Variants in ZNF516 observed in about 807,000 individuals in gnomAD.
ZNF516 encodes the protein zinc finger protein 516.
Under a neutral mutation model 79.7 loss-of-function variants are expected in ZNF516, and 19 were observed. That is an observed-to-expected ratio of 0.24 (90% confidence interval 0.17 to 0.35). The LOEUF is 0.35. Among genes scored for constraint, ZNF516 ranks in the 10% least tolerant of loss-of-function variants. ZNF516 has a pLI of 1.00. For missense variants in ZNF516, 1,678 were observed against 1,679.5 expected (o/e 1.00, Z 0.02); for synonymous variants, 877 against 739.5 (o/e 1.19, Z -3.02).
rs1568322140 is a variant in ZNF516, at chr18:76,473,375, A to AAAAAAC, written c.-271-10235_-271-10234insGTTTTT. On this transcript the variant is annotated intron_variant, in intron 1 of 6. Coordinates refer to ENST00000443185, the MANE Select transcript of ZNF516 (RefSeq NM_014643.4). Reference sequence around the variant, plus strand: ...CTCTGCAAAAAAAAAAAAAAAAAAAAAAAACACCTATGACTGAGGAACTCG... The same window carrying AAAAAAC: ...CTCTGCAAAAAAAAAAAAAAAAAAAAAAAAACAAAACACCTATGACTGAGGAACTCG... Among the ~76,000 whole-genome samples the AAAAAAC allele has an allele frequency of 1.5e-5, 2 of 132,074 alleles. 1 individual carries two copies. 86.6% of individuals were successfully genotyped at this position (132,074 alleles called of 152,430 possible). A position where few individuals can be genotyped will look rare whatever the true frequency, so the allele number is the denominator to read the frequency against.
chr18:76,462,340 T>C (rs1913170361), intron 2 of ZNF516, among the ~76,000 whole-genome samples: 1 of 152,198 alleles, frequency 6.6e-6, no homozygotes, highest in Non-Finnish European at 1.5e-5. Flanking sequence ...CACAAGACAG[T>C]TCACACCACA....
At chr18:76,384,673 G>A (rs570465654) in intron 3 of ZNF516, among the ~76,000 whole-genome samples, 15 of 150,686 alleles carry the variant, frequency 1.0e-4, no homozygotes, top group African/African-American at 2.9e-4. Flanking sequence ...ATCCTGAAAC[G>A]GAAGAACTCG....
chr18:76,454,832 A>G (rs1314628617), intron 2 of ZNF516, among the ~76,000 whole-genome samples: 2 of 152,238 alleles, frequency 1.3e-5, no homozygotes, highest in African/African-American at 4.8e-5. Flanking sequence ...ATGTTGTTAC[A>G]TTATTCAGCT....
chr18:76,441,299 C>G lies in ZNF516; in HGVS notation c.1756G>C (p.Ala586Pro). ...CCACTGTCTTCGGCAGCCTCGTCGG[C>G]CAGGCCAGAGCCCGGGGAGTCAGCA... is the stretch of plus-strand genomic sequence containing the variant. ...AAADSPGSGL[A>P]DEAAEDSGEE... Residue 586 changes from alanine (A) to proline (P), a missense_variant, in exon 3 of 7, where the codon GCC (alanine) becomes CCC (proline). Transcript: ENST00000443185. 1 of 1,611,332 alleles carries G rather than the reference C, an allele frequency of 6.2e-7. No individual in the cohort carries two copies. The highest frequency in any genetic ancestry group is 8.5e-7 in the Non-Finnish European group (1 of 1,179,474).
rs1448979797 is a variant in ZNF516, at chr18:76,459,101, A to G, written c.-158+3927T>C. 6.6e-6 allele frequency among the ~76,000 whole-genome samples: 1 copy of G among 152,218 alleles called. No homozygotes were observed. Among genetic ancestry groups the G allele is most frequent in the Non-Finnish European group, 1.5e-5 (1 of 68,030 alleles). On this transcript the variant is annotated intron_variant, in intron 2 of 6. Coordinates refer to ENST00000443185, the MANE Select transcript of ZNF516 (RefSeq NM_014643.4). This position sits in a 1 kb window ranked among gnomAD's most constrained non-coding sequence, Gnocchi z 5.0. ...AGGCAAACACGCATGTCCACTTCCA[A>G]CAATCTACCAGCAACACTCGTGCCC...
intron 1 of ZNF516, among the ~76,000 whole-genome samples, chr18:76,473,532 T>C (rs1381676120): frequency 6.6e-6 from 1 of 152,280 alleles, no homozygotes; most frequent in South Asian, 2.1e-4. Flanking sequence ...CTGGGTGCGG[T>C]GGCTCACGCC....
At chr18:76,480,383 T>C (rs1049053675) in intron 1 of ZNF516, among the ~76,000 whole-genome samples, 2 of 152,070 alleles carry the variant, frequency 1.3e-5, no homozygotes, top group Non-Finnish European at 2.9e-5. Context: ...CCTTGAATGC[T>C]GGGTTAGCGA....
At chr18:76,370,939 T>C (rs951837577) in intron 5 of ZNF516, among the ~76,000 whole-genome samples, 4 of 152,192 alleles carry the variant, frequency 2.6e-5, no homozygotes, top group Non-Finnish European at 2.9e-5. Context: ...ACACTCCTGA[T>C]AGAGAACCCC....
chr18:76,429,482 G>GT (rs1200464376), intron 3 of ZNF516, among the ~76,000 whole-genome samples: 2 of 152,156 alleles, frequency 1.3e-5, no homozygotes, highest in Non-Finnish European at 2.9e-5. Context: ...GCCCATTCTA[G>GT]TAAGAAGAGG....
intron 1 of ZNF516, among the ~76,000 whole-genome samples, chr18:76,487,606 T>C (rs2145817111): frequency 6.6e-6 from 1 of 152,320 alleles, no homozygotes; most frequent in Admixed American, 6.5e-5. Flanking sequence ...TGTAAACATT[T>C]GACATGATTC....
chr18:76,492,590 C>T, intron 1 of ZNF516: 1 of 456,412 alleles, frequency 2.2e-6, no homozygotes, highest in Non-Finnish European at 2.9e-6. Context: ...TTCAGCAATC[C>T]GCGTTCTCAG....
At chr18:76,426,060 T>G (rs1411558951) in intron 3 of ZNF516, among the ~76,000 whole-genome samples, 1 of 152,278 alleles carries the variant, frequency 6.6e-6, no homozygotes, top group East Asian at 1.9e-4. Flanking sequence ...AGAGCTATGT[T>G]AGAAAATGCC....
chr18:76,489,963 T>G (rs1425236991), intron 1 of ZNF516, among the ~76,000 whole-genome samples: 3 of 152,228 alleles, frequency 2.0e-5, no homozygotes, highest in African/African-American at 7.2e-5. Flanking sequence ...TTATTACAGA[T>G]CCACCGGGAT....
chr18:76,411,271 G>A (rs536173703), intron 3 of ZNF516, among the ~76,000 whole-genome samples: 8 of 152,216 alleles, frequency 5.3e-5, no homozygotes, highest in Admixed American at 4.6e-4. Flanking sequence ...TGTACCTTTC[G>A]CAATACCCCA....
In ZNF516 at chr18:76,357,911, A is replaced by G. The variant is rs574863343; in HGVS notation, c.*4587T>C. Among the ~76,000 whole-genome samples, 1 of 152,280 alleles carries G rather than the reference A, an allele frequency of 6.6e-6. No homozygotes were observed. Among genetic ancestry groups the G allele is most frequent in the South Asian group, 2.1e-4 (1 of 4,816 alleles). Reference sequence around the variant, plus strand: ...AGTGGGTGTATTCAGTGGGGAAATAACATGTGTGCTGTGAAAGAAAATGAG... The same window carrying G: ...AGTGGGTGTATTCAGTGGGGAAATAGCATGTGTGCTGTGAAAGAAAATGAG... On this transcript the variant is annotated 3_prime_UTR_variant, in exon 7 of 7. Coordinates refer to ENST00000443185, the MANE Select transcript of ZNF516 (RefSeq NM_014643.4).
intron 3 of ZNF516, among the ~76,000 whole-genome samples, chr18:76,410,509 C>T (rs756589857): frequency 6.6e-6 from 1 of 152,138 alleles, no homozygotes; most frequent in Non-Finnish European, 1.5e-5. Context: ...AGTGGTTCCG[C>T]AGTTCCCTAC....
At chr18:76,440,852 G>A (rs763519217) in intron 3 of ZNF516, among the ~76,000 whole-genome samples, 21 of 152,202 alleles carry the variant, frequency 1.4e-4, no homozygotes, top group African/African-American at 5.1e-4. Flanking sequence ...CCATGATGGT[G>A]TTCTTTGCTC....
At position 76,459,040 on chromosome 18, in the gene ZNF516, C is replaced by A. The variant is rs1912929073; in HGVS notation, c.-158+3988G>T. On this transcript the variant is annotated intron_variant, in intron 2 of 6. Transcript: ENST00000443185. This position sits in a 1 kb window ranked among gnomAD's most constrained non-coding sequence, Gnocchi z 5.0. ...AGAGCACATGTGTGTGATCTCTTAACCTACATAAAAGCACTCATTCAAATA... is the reference window on the plus strand; with the variant it reads ...AGAGCACATGTGTGTGATCTCTTAAACTACATAAAAGCACTCATTCAAATA... 6.6e-6 allele frequency among the ~76,000 whole-genome samples: 1 copy of A among 152,176 alleles called. No individual in the cohort carries two copies. Among genetic ancestry groups the A allele is most frequent in the African/African-American group, 2.4e-5 (1 of 41,434 alleles).
intron 3 of ZNF516, among the ~76,000 whole-genome samples, chr18:76,382,813 A>C (rs983150508): frequency 2.0e-5 from 3 of 152,206 alleles, no homozygotes; most frequent in Non-Finnish European, 4.4e-5. Context: ...TGGGAAGCCC[A>C]GGAGAGCGGA....
Sources: allele counts gnomAD v4.1 joint callset (sites outside exome capture counted in the v4.1 genomes callset), GRCh38; gene constraint gnomAD v4.1.1; non-coding constraint Gnocchi (gnomAD v3.1); transcripts MANE v1.5; gene names NCBI Gene and HGNC (gene_info 2026-07-23, HGNC 2026-07-21).